Variants in IARS2 observed in about 807,000 individuals in gnomAD.
IARS2 encodes the protein isoleucine--tRNA ligase, mitochondrial.
IARS2 carries 56 observed loss-of-function variants against 126.3 expected under a neutral mutation model. That is an observed-to-expected ratio of 0.44 (90% CI 0.36 to 0.55). The LOEUF is 0.55. Ranked by LOEUF, IARS2 falls within the 20% of genes least tolerant of loss-of-function variation. The probability of loss-of-function intolerance (pLI) is 0.00; values close to 1 mark genes in which losing one functional copy is unlikely to be tolerated. For missense variants in IARS2, 1,127 were observed against 1,245.9 expected, an observed-to-expected ratio of 0.90 and a Z score of 1.44; for synonymous variants, 407 against 441.1, an observed-to-expected ratio of 0.92 and a Z score of 0.97.
chr1:220,097,158 G>C (rs1190761916), intron 2 of IARS2, among the ~76,000 whole-genome samples: 1 of 152,028 alleles, frequency 6.6e-6, no homozygotes, highest in Non-Finnish European at 1.5e-5. Context: ...AGCAAAGAGA[G>C]AGAATTTACT....
At chr1:220,096,726 G>A (rs1656451404) in intron 2 of IARS2, among the ~76,000 whole-genome samples, 2 of 152,110 alleles carry the variant, frequency 1.3e-5, no homozygotes, top group South Asian at 4.1e-4. Flanking sequence ...TCAAAACCAG[G>A]AATTTGGTCA....
At position 220,141,854 on chromosome 1, in the gene IARS2, A is replaced by T; in HGVS notation, c.2466A>T (p.Ala822=). 6.2e-7 allele frequency: 1 copy of T among 1,614,174 alleles called. No homozygotes were observed. The highest frequency in any genetic ancestry group is 8.5e-7 in the Non-Finnish European group (1 of 1,180,018). Residue 822 remains alanine, a synonymous_variant, in exon 20 of 23, where the codon GCA becomes GCT. Transcript: ENST00000366922. The stretch of plus-strand genomic sequence containing the variant: ...CCAAACGACGCTCTTGTCAGACTGC[A>T]TTAGTTGAAATTTTGGATGTAATAG... ...NDPKRRSCQT[A]LVEILDVIVR...
intron 8 of IARS2, 103 bp downstream of exon 8, chr1:220,103,665 C>A: frequency 3.0e-6 from 2 of 673,162 alleles, no homozygotes; most frequent in Non-Finnish European, 5.3e-6. Flanking sequence ...ACAGATATGG[C>A]CTCTACCTTT....
intron 8 of IARS2, among the ~76,000 whole-genome samples, chr1:220,104,744 G>A (rs1415472839): frequency 1.1e-4 from 16 of 151,994 alleles, no homozygotes; most frequent in Non-Finnish European, 1.2e-4. Context: ...ATGTTGCCCA[G>A]GCAGATCTTG....
Position 220,103,044 on chromosome 1 carries a change from C to CT in IARS2, c.950+278dup, listed in dbSNP as rs1172177451. ...TCTTGAAGTCAGTTTTTTCTTTTTT[C>CT]TTTTTTTTTTTGGAGACCGAGTTTT... On this transcript the variant is annotated intron_variant, in intron 7 of 22. Transcript: ENST00000366922. Among the ~76,000 whole-genome samples the CT allele has an allele frequency of 3.6e-3, 526 of 144,468 alleles. 4 individuals are homozygous for CT. Among genetic ancestry groups the CT allele is most frequent in the Admixed American group, 5.7e-3 (82 of 14,440 alleles). 94.8% of individuals were successfully genotyped at this position (144,468 alleles called of 152,430 possible).
intron 21 of IARS2, among the ~76,000 whole-genome samples, chr1:220,144,805 G>T (rs1657556702): frequency 6.6e-6 from 1 of 152,132 alleles, no homozygotes; most frequent in South Asian, 2.1e-4. Flanking sequence ...TGGAGTCCTG[G>T]TTCTATCCAT....
At chr1:220,127,806 C>T (rs75095840) in intron 14 of IARS2, among the ~76,000 whole-genome samples, 10,906 of 152,222 alleles carry the variant, frequency 0.072, 521 homozygotes, top group South Asian at 0.15. Flanking sequence ...TTCATGTTTA[C>T]TCTCTATTAC....
chr1:220,137,864 G>A lies in IARS2; in HGVS notation c.2050-54G>A, dbSNP rs201346850. The A allele has an allele frequency of 2.0e-3, 3,177 of 1,600,798 alleles. 10 individuals are homozygous for A. Among genetic ancestry groups the A allele is most frequent in the South Asian group, 2.8e-3 (257 of 90,458 alleles). On this transcript the variant is annotated intron_variant, in intron 16 of 22. Coordinates refer to ENST00000366922, the MANE Select transcript of IARS2 (RefSeq NM_018060.4). The stretch of plus-strand genomic sequence containing the variant: ...GGAGCTTTACCTAAAACATTTGTTC[G>A]GCTAATTGGAATTGAAAGCCATTGT...
chr1:220,134,569 C>A, intron 15 of IARS2, 59 bp downstream of exon 15: 1 of 1,027,052 alleles, frequency 9.7e-7, no homozygotes, highest in Non-Finnish European at 1.5e-6. Flanking sequence ...AAGCACTATG[C>A]TGAGTACTAC....
chr1:220,106,125 C>A, intron 9 of IARS2, 65 bp downstream of exon 9: 1 of 1,333,448 alleles, frequency 7.5e-7, no homozygotes, highest in Non-Finnish European at 1.0e-6. Flanking sequence ...AAATTCTAAC[C>A]AACATCTTCA....
intron 8 of IARS2, 104 bp from the exon 9 acceptor site, chr1:220,105,787 T>G: frequency 1.1e-6 from 1 of 893,608 alleles, no homozygotes; most frequent in Non-Finnish European, 1.8e-6. Flanking sequence ...CTAGCCAGTA[T>G]TGTTCTAGAT....
rs763810896 is a variant in IARS2 at position 220,140,239 on chromosome 1, G to A, written c.2364G>A (p.Thr788=). 18 of 1,612,634 alleles carry A rather than the reference G, an allele frequency of 1.1e-5. No individual in the cohort carries two copies. Among genetic ancestry groups the A allele is most frequent in the Middle Eastern group, 1.6e-4 (1 of 6,076 alleles). The stretch of plus-strand genomic sequence containing the variant: ...GAAAAGTTGTTCGGCTGTTACGGAC[G>A]TTTTATACCAGAGAGCTCTCTAACT... The part of the protein sequence containing the change: ...DFGKVVRLLR[T]FYTRELSNFY... The change falls in exon 19 of 23, where the codon ACG becomes ACA. Residue 788 remains threonine (T), a synonymous_variant. Transcript: ENST00000366922.
intron 18 of IARS2, 135 bp from the exon 19 acceptor site, chr1:220,140,048 G>C (rs1340486550): frequency 3.0e-6 from 2 of 656,274 alleles, no homozygotes; most frequent in East Asian, 2.7e-5. Context: ...AGATTCCCAG[G>C]AGTTCTTGCA....
At chr1:220,108,212 C>T (rs1261332771) in intron 10 of IARS2, among the ~76,000 whole-genome samples, 2 of 151,672 alleles carry the variant, frequency 1.3e-5, no homozygotes, top group Non-Finnish European at 2.9e-5. Context: ...AGGATACACA[C>T]CACTACTCCT....
At chr1:220,130,550 G>T (rs1352425688) in intron 14 of IARS2, among the ~76,000 whole-genome samples, 1 of 151,778 alleles carries the variant, frequency 6.6e-6, no homozygotes, top group Non-Finnish European at 1.5e-5. Flanking sequence ...GAGAGGTAGG[G>T]GTCTATTTTC....
chr1:220,137,809 A>T, intron 16 of IARS2, 109 bp from the exon 17 acceptor site: 1 of 1,186,318 alleles, frequency 8.4e-7, no homozygotes, highest in Non-Finnish European at 1.2e-6. Context: ...TATAGTTTGT[A>T]CTTACATTGT....
At chr1:220,099,616 T>C (rs1047942851) in intron 2 of IARS2, among the ~76,000 whole-genome samples, 2 of 152,174 alleles carry the variant, frequency 1.3e-5, no homozygotes, top group Non-Finnish European at 2.9e-5. Flanking sequence ...CTGGAATTCA[T>C]AGGTGAAGAG....
At position 220,137,899 on chromosome 1, in the gene IARS2, T is replaced by TA. The variant is rs775180421; in HGVS notation, c.2050-19_2050-18insA. ...AATTGAAAGCCATTGTGTTTATATA[T>TA]TTTTTTCTCAATGAAAAGGATCAAA... On this transcript the variant is annotated intron_variant, in intron 16 of 22. Coordinates refer to ENST00000366922, the MANE Select transcript of IARS2 (RefSeq NM_018060.4). 6.2e-7 allele frequency: 1 copy of TA among 1,612,962 alleles called. No individual in the cohort carries two copies. The highest frequency in any genetic ancestry group is 8.5e-7 in the Non-Finnish European group (1 of 1,179,240).
Position 220,125,262 on chromosome 1 carries a change from C to T in IARS2, c.1666C>T (p.Leu556=). 6.2e-7 allele frequency: 1 copy of T among 1,613,124 alleles called. No homozygotes were observed. Among genetic ancestry groups the T allele is most frequent in the South Asian group, 1.1e-5 (1 of 91,014 alleles). The change falls in exon 13 of 23, where the codon CTA becomes TTA. Residue 556 remains leucine (L), a synonymous_variant. Coordinates refer to ENST00000366922, the MANE Select transcript of IARS2 (RefSeq NM_018060.4). ...CCAAACCACTGAGCATATTGTTAAACTAGTGGAACAACACGGCAGTGATAT... is the reference window on the plus strand; with the variant it reads ...CCAAACCACTGAGCATATTGTTAAATTAGTGGAACAACACGGCAGTGATAT... ...NSQTTEHIVK[L]VEQHGSDIWW...
Sources: allele counts gnomAD v4.1 joint callset (sites outside exome capture counted in the v4.1 genomes callset), GRCh38; gene constraint gnomAD v4.1.1; transcripts MANE v1.5; gene names NCBI Gene and HGNC (gene_info 2026-07-23, HGNC 2026-07-21).